Variants in CMTM4 observed in about 807,000 individuals in gnomAD.
CMTM4 encodes the protein CKLF like MARVEL transmembrane domain containing 4.
CMTM4 carries 8 observed loss-of-function variants against 19.0 expected under a neutral mutation model. The ratio of observed to expected loss-of-function variants is 0.42; its 90% CI spans 0.25 to 0.76. The LOEUF (loss-of-function observed/expected upper bound fraction) is 0.76, where lower values mean the gene tolerates loss of function less well. Ranked by LOEUF, CMTM4 falls within the 30% of genes least tolerant of loss-of-function variation. CMTM4 has a pLI of 0.27. For synonymous variants in CMTM4, 106 were observed against 121.1 expected (o/e 0.88, Z 0.82); for missense variants, 228 against 290.2 (o/e 0.79, Z 1.56).
chr16:66,674,832 C>T (rs2016779010), intron 1 of CMTM4, among the ~76,000 whole-genome samples: 1 of 149,228 alleles, frequency 6.7e-6, no homozygotes. Flanking sequence ...ACCTCCACCT[C>T]CCGGGTTCAA....
At chr16:66,610,535 C>T (rs1020151275), downstream of CMTM4, among the ~76,000 whole-genome samples, 6 of 152,180 alleles carry the variant, frequency 3.9e-5, no homozygotes, top group East Asian at 1.2e-3. This position sits in a 1 kb window ranked among gnomAD's most constrained non-coding sequence, Gnocchi z 4.6. Context: ...AGCAGGCCCA[C>T]GCTGGGTGTC....
intron 1 of CMTM4, among the ~76,000 whole-genome samples, chr16:66,685,829 G>T (rs1428745701): frequency 6.6e-6 from 1 of 152,060 alleles, no homozygotes; most frequent in Non-Finnish European, 1.5e-5. Context: ...ATTTTTAGTA[G>T]AGATCTTGTT....
intron 1 of CMTM4, among the ~76,000 whole-genome samples, chr16:66,686,202 C>T (rs1239034603): frequency 1.3e-5 from 2 of 150,446 alleles, no homozygotes; most frequent in Non-Finnish European, 3.0e-5. Flanking sequence ...TGCAGTGAGC[C>T]GAGATCGCAC....
At chr16:66,632,441 T>TC (rs1276819487) in intron 2 of CMTM4, among the ~76,000 whole-genome samples, 3 of 152,168 alleles carry the variant, frequency 2.0e-5, no homozygotes, top group Admixed American at 2.0e-4. Context: ...GTTGACAATC[T>TC]CCTATTTATT....
intron 1 of CMTM4, among the ~76,000 whole-genome samples, chr16:66,648,905 G>A (rs1441038607): frequency 6.6e-6 from 1 of 152,200 alleles, no homozygotes; most frequent in Admixed American, 6.5e-5. Context: ...CCAAAAGGCA[G>A]AGGTTACAGT....
intron 1 of CMTM4, among the ~76,000 whole-genome samples, chr16:66,677,390 C>T (rs1668005): frequency 3.9e-5 from 6 of 152,198 alleles, no homozygotes; most frequent in East Asian, 1.9e-4. Context: ...GCTGGGCAAA[C>T]GGCAGCAGCG....
intron 1 of CMTM4, among the ~76,000 whole-genome samples, chr16:66,650,504 T>C (rs1013816104): frequency 6.6e-6 from 1 of 152,082 alleles, no homozygotes; most frequent in Non-Finnish European, 1.5e-5. Flanking sequence ...TGGACACAAG[T>C]GTGGAGAGTG....
chr16:66,661,276 CTG>C (rs1239347115), intron 1 of CMTM4, among the ~76,000 whole-genome samples: 1 of 152,172 alleles, frequency 6.6e-6, no homozygotes, highest in African/African-American at 2.4e-5. Flanking sequence ...TGCGGATGGA[CTG>C]TAACCCGTAT....
chr16:66,598,247 A>G, the CMTM4 span, among the ~76,000 whole-genome samples: 1 of 152,164 alleles, frequency 6.6e-6, no homozygotes, highest in African/African-American at 2.4e-5. Context: ...ATGTCATCCT[A>G]TGTGACAGGC....
At position 66,616,694 on chromosome 16, in the gene CMTM4, A is replaced by G. The variant is rs2015531102; in HGVS notation, c.*5364T>C. ...AAGCTTGCAAAATCGATTCTGGAAA[A>G]AGCAGGCAAGCAAAGCAGGGCCTGT... is the stretch of plus-strand genomic sequence containing the variant. On this transcript the variant is annotated 3_prime_UTR_variant, in exon 4 of 4. Coordinates refer to ENST00000394106, the MANE Select transcript of CMTM4 (RefSeq NM_181521.3). The G allele has an allele frequency of 6.6e-6, 1 of 152,234 alleles. No homozygotes were observed. Among genetic ancestry groups the G allele is most frequent in the South Asian group, 2.1e-4 (1 of 4,840 alleles). The allele number at this position is 152,234 out of a possible 1,614,324, so 9.4% of individuals were successfully genotyped here.
At position 66,622,659 on chromosome 16, in the gene CMTM4, T is replaced by C. The variant is rs934298149; in HGVS notation, c.463-437A>G. On this transcript the variant is annotated intron_variant, in intron 3 of 3. Coordinates refer to ENST00000394106, the MANE Select transcript of CMTM4 (RefSeq NM_181521.3). This position sits in a 1 kb window ranked among gnomAD's most constrained non-coding sequence, Gnocchi z 4.0. ...AATACAGTGCAGACAAAATGTAACA[T>C]AGACAGAAAATCAGGGTTTCGCATG... Among the ~76,000 whole-genome samples the C allele has an allele frequency of 1.3e-5, 2 of 152,120 alleles. No individual in the cohort carries two copies. The highest frequency in any genetic ancestry group is 2.4e-5 in the African/African-American group (1 of 41,418).
In CMTM4 at chr16:66,682,796, A is replaced by G. The variant is rs563793689; in HGVS notation, c.186+13544T>C. 7.9e-5 allele frequency among the ~76,000 whole-genome samples: 12 copies of G among 152,042 alleles called. No homozygotes were observed. In the South Asian group the frequency reaches 2.3e-3, roughly 29 times the overall value. ...CAGTTGTGACTTTTTCTTTGCCTGAAAAGTGTCTCTTGAAAGATACTTGCT... is the reference window on the plus strand; with the variant it reads ...CAGTTGTGACTTTTTCTTTGCCTGAGAAGTGTCTCTTGAAAGATACTTGCT... On this transcript the variant is annotated intron_variant, in intron 1 of 3. Transcript: ENST00000394106.
At chr16:66,642,220 CAA>C (rs1225943377) in intron 1 of CMTM4, among the ~76,000 whole-genome samples, 1 of 152,098 alleles carries the variant, frequency 6.6e-6, no homozygotes, top group African/African-American at 2.4e-5. Context: ...TCAAGGGAAC[CAA>C]AGAGTCAAAA....
At chr16:66,643,844 T>C (rs1045157289) in intron 1 of CMTM4, among the ~76,000 whole-genome samples, 2 of 152,056 alleles carry the variant, frequency 1.3e-5, no homozygotes, top group Admixed American at 1.3e-4. Context: ...ACCTCTGCCT[T>C]CCGGGTTCAA....
At chr16:66,678,058 C>G (rs952930180) in intron 1 of CMTM4, among the ~76,000 whole-genome samples, 3 of 152,106 alleles carry the variant, frequency 2.0e-5, no homozygotes, top group African/African-American at 7.2e-5. Flanking sequence ...CGTGCCTATA[C>G]TCCCAGCTAC....
intron 1 of CMTM4, among the ~76,000 whole-genome samples, chr16:66,655,299 T>C (rs1041205830): frequency 6.6e-6 from 1 of 152,072 alleles, no homozygotes; most frequent in South Asian, 2.1e-4. Context: ...AAAATAGCTA[T>C]TATCGGCCAA....
chr16:66,665,879 G>A (rs771985441), intron 1 of CMTM4, among the ~76,000 whole-genome samples: 1 of 150,916 alleles, frequency 6.6e-6, no homozygotes, highest in African/African-American at 2.4e-5. Context: ...GACCAGCCTG[G>A]CCAACATGGC....
At chr16:66,612,687 G>A, downstream of CMTM4, 1 of 1,593,900 alleles carries the variant, frequency 6.3e-7, no homozygotes, top group Non-Finnish European at 8.6e-7. The surrounding 1 kb of genome is among the most constrained non-coding windows in gnomAD (Gnocchi z 6.0). Context: ...CTCCACCCCT[G>A]CGCCTCACAG....
At chr16:66,680,193 T>A (rs1463029514) in intron 1 of CMTM4, among the ~76,000 whole-genome samples, 1 of 152,114 alleles carries the variant, frequency 6.6e-6, no homozygotes, top group Non-Finnish European at 1.5e-5. Context: ...AAATCATAAC[T>A]GCCGGCCAGG....
Sources: gnomAD v4.1 joint callset for allele counts (sites outside exome capture counted in the v4.1 genomes callset) on GRCh38, gnomAD v4.1.1 for gene constraint, Gnocchi (gnomAD v3.1) non-coding constraint, MANE v1.5 for transcripts, NCBI Gene and HGNC (gene_info 2026-07-23, HGNC 2026-07-21) for gene names.